BHLHE41: variants seen among roughly 807,000 people sequenced by gnomAD.
BHLHE41 encodes class E basic helix-loop-helix protein 41.
In BHLHE41, 14 loss-of-function variants were observed where a neutral mutation model predicts 24.0. The ratio of observed to expected loss-of-function variants is 0.58; its 90% CI spans 0.39 to 0.91. The LOEUF (loss-of-function observed/expected upper bound fraction) is 0.91, where lower values mean the gene tolerates loss of function less well. Ranked by LOEUF, BHLHE41 falls within the 40% of genes least tolerant of loss-of-function variation. BHLHE41 has a pLI of 0.00. For missense variants in BHLHE41, 674 were observed against 655.4 expected (o/e 1.03, Z -0.31); for synonymous variants, 394 against 315.5 (o/e 1.25, Z -2.64).
Position 26,123,007 on chromosome 12 carries a change from C to A in BHLHE41, c.508G>T (p.Ala170Ser), listed in dbSNP as rs545506271. ...TGCGGGGTGGGCAAGAACTGGGTGG[C>A]CACGGCGTGCAAGTGGTTGATCAGC... ...VQLINHLHAVATQFLPTPQLL... is the reference protein window; with the variant it reads ...VQLINHLHAVSTQFLPTPQLL... Residue 170 changes from alanine to serine, a missense_variant, in exon 5 of 5, where the codon GCC (alanine) becomes TCC (serine). Ala to Ser is a moderately conservative substitution (Grantham distance 99, BLOSUM62 1). Around this residue, in one of 3 missense-constraint regions of BHLHE41, gnomAD observed 602 missense variants for 570.8 expected, o/e 1.05. Coordinates refer to ENST00000242728, the MANE Select transcript of BHLHE41 (RefSeq NM_030762.3). 5.7e-6 allele frequency: 9 copies of A among 1,567,470 alleles called. No homozygotes were observed. In the East Asian group the frequency reaches 1.9e-4, roughly 33 times the overall value.
In BHLHE41 at chr12:26,121,775, G is replaced by T; in HGVS notation, c.*291C>A. ...AAAAGGGGGCAAAATTTATTTGGGG[G>T]ATTAAAAAAAAGAGCCAGTGTCTTT... On this transcript the variant is annotated 3_prime_UTR_variant, in exon 5 of 5. Transcript: ENST00000242728. 3 of 519,006 alleles carry T rather than the reference G, an allele frequency of 5.8e-6. No individual in the cohort carries two copies. In the South Asian group the frequency reaches 7.3e-5, roughly 13 times the overall value. The allele number at this position is 519,006 out of a possible 1,614,324, so 32.2% of individuals were successfully genotyped here.
chr12:26,122,278 G>C lies in BHLHE41; in HGVS notation c.1237C>G (p.Pro413Ala). 1 of 1,209,322 alleles carries C rather than the reference G, an allele frequency of 8.3e-7. No homozygotes were observed. The highest frequency in any genetic ancestry group is 1.0e-6 in the Non-Finnish European group (1 of 973,474). The allele number at this position is 1,209,322 out of a possible 1,614,324, so 74.9% of individuals were successfully genotyped here. Residue 413 changes from proline to alanine, a missense_variant, in exon 5 of 5, where the codon CCC (proline) becomes GCC (alanine). Pro to Ala is a conservative substitution (Grantham distance 27, BLOSUM62 -1). Around this residue, in one of 3 missense-constraint regions of BHLHE41, gnomAD observed 602 missense variants for 570.8 expected, o/e 1.05. Coordinates refer to ENST00000242728, the MANE Select transcript of BHLHE41 (RefSeq NM_030762.3). ...GGCGACAACACCGAGGACAGGCAGG[G>C]GAACGCGGCGGCGGCGGCGGCAGCG... ...AAAAAAAAAF[P>A]CLSSVLSPPP...
chr12:26,122,296 C>T lies in BHLHE41; in HGVS notation c.1219G>A (p.Ala407Thr), dbSNP rs1944315028. ...AAAAAAAAAA[A>T]AAAAFPCLSS... ...AGGCAGGGGAACGCGGCGGCGGCGGCGGCAGCGGCGGCGGCGGCTGCCGCG... is the reference window on the plus strand; with the variant it reads ...AGGCAGGGGAACGCGGCGGCGGCGGTGGCAGCGGCGGCGGCGGCTGCCGCG... The change falls in exon 5 of 5, where the codon GCC becomes ACC. Residue 407 changes from alanine (A) to threonine (T), a missense_variant. By Grantham distance (58) the Ala-to-Thr change is moderately conservative. Around this residue, in one of 3 missense-constraint regions of BHLHE41, gnomAD observed 602 missense variants for 570.8 expected, o/e 1.05. Transcript: ENST00000242728. 2 of 1,182,036 alleles carry T rather than the reference C, an allele frequency of 1.7e-6. No homozygotes were observed. The highest frequency in any genetic ancestry group is 9.3e-5 in the Admixed American group (2 of 21,572). 73.2% of individuals were successfully genotyped at this position (1,182,036 alleles called of 1,614,324 possible). A position where few individuals can be genotyped will look rare whatever the true frequency, so the allele number is the denominator to read the frequency against.
At position 26,121,228 on chromosome 12, in the gene BHLHE41, T is replaced by C. The variant is rs1944302106; in HGVS notation, c.*838A>G. The C allele has an allele frequency of 6.6e-6, 1 of 152,426 alleles. No homozygotes were observed. The highest frequency in any genetic ancestry group is 2.4e-5 in the African/African-American group (1 of 41,446). 9.4% of individuals were successfully genotyped at this position (152,426 alleles called of 1,614,324 possible). A position where few individuals can be genotyped will look rare whatever the true frequency, so the allele number is the denominator to read the frequency against. ...ATCTGTACAGATAGATATCTATCTA[T>C]ATATGGACTTAGAAGAAATTAAGAT... On this transcript the variant is annotated 3_prime_UTR_variant, in exon 5 of 5. Coordinates refer to ENST00000242728, the MANE Select transcript of BHLHE41 (RefSeq NM_030762.3).
At position 26,123,681 on chromosome 12, in the gene BHLHE41, A is replaced by G; in HGVS notation, c.295T>C (p.Leu99=). Residue 99 remains leucine, a synonymous_variant, in exon 4 of 5, where the codon TTA becomes CTA. Coordinates refer to ENST00000242728, the MANE Select transcript of BHLHE41 (RefSeq NM_030762.3). ...LELTLKHLKA[L]TALTEQQHQK... is the part of the protein sequence containing the mutation. ...TGCTGTTGCTCGGTTAAGGCGGTTA[A>G]AGCTTTTAAGTGTTTCAAAGTTAAT... 1 of 1,614,176 alleles carries G rather than the reference A, an allele frequency of 6.2e-7. No homozygotes were observed. Among genetic ancestry groups the G allele is most frequent in the Non-Finnish European group, 8.5e-7 (1 of 1,179,996 alleles).
chr12:26,124,207 G>C (rs753796704), intron 2 of BHLHE41, 28 bp from the exon 3 acceptor site: 1 of 1,445,662 alleles, frequency 6.9e-7, no homozygotes, highest in East Asian at 2.3e-5. Context: ...ATGGAAAAGA[G>C]AAAACAGTAA....
chr12:26,123,972 A>G (rs1944338834), intron 3 of BHLHE41, 100 bp downstream of exon 3: 4 of 932,128 alleles, frequency 4.3e-6, no homozygotes, highest in African/African-American at 1.6e-5. Context: ...GTTTTAAGTC[A>G]GGAACTTATA....
Position 26,122,540 on chromosome 12 carries a change from C to T in BHLHE41, c.975G>A (p.Ser325=), listed in dbSNP as rs1409329500. 6.4e-6 allele frequency: 8 copies of T among 1,251,504 alleles called. No individual in the cohort carries two copies. Among genetic ancestry groups the T allele is most frequent in the Non-Finnish European group, 8.1e-6 (8 of 987,640 alleles). The allele number at this position is 1,251,504 out of a possible 1,614,324, so 77.5% of individuals were successfully genotyped here. Residue 325 remains serine, a synonymous_variant, in exon 5 of 5, where the codon TCG becomes TCA. Coordinates refer to ENST00000242728, the MANE Select transcript of BHLHE41 (RefSeq NM_030762.3). ...CTCCGCCTCCGCCGAACGCCACCAG[C>T]GAGCTGAGCAGGGCGGCGTCGGGTC... ...LLRPDAALLS[S]LVAFGGGGGA... is the part of the protein sequence containing the mutation.
rs529786685 is a variant in BHLHE41, at chr12:26,121,709, C to T, written c.*357G>A. ...AGAACAGACCCTTCTTACTTCCTCTCGAATTAGGTTCCAATTTTAAGAGAT... is the reference window on the plus strand; with the variant it reads ...AGAACAGACCCTTCTTACTTCCTCTTGAATTAGGTTCCAATTTTAAGAGAT... On this transcript the variant is annotated 3_prime_UTR_variant, in exon 5 of 5. Coordinates refer to ENST00000242728, the MANE Select transcript of BHLHE41 (RefSeq NM_030762.3). 437 of 298,830 alleles carry T rather than the reference C, an allele frequency of 1.5e-3. 1 individual carries two copies. The highest frequency in any genetic ancestry group is 9.3e-3 in the African/African-American group (419 of 44,978). The allele number at this position is 298,830 out of a possible 1,614,324, so 18.5% of individuals were successfully genotyped here.
chr12:26,123,294 G>A, intron 4 of BHLHE41, 126 bp from the exon 5 acceptor site: 4 of 1,277,612 alleles, frequency 3.1e-6, no homozygotes, highest in African/African-American at 1.5e-5. Flanking sequence ...TTTTTCCCCA[G>A]TATTCAAGTG....
At chr12:26,123,192 T>G (rs1449411019) in intron 4 of BHLHE41, 24 bp from the exon 5 acceptor site, 1 of 1,560,190 alleles carries the variant, frequency 6.4e-7, no homozygotes, top group Admixed American at 1.8e-5. Context: ...GGGATGGGGG[T>G]GGGGGACGGA....
Position 26,124,853 on chromosome 12 carries a change from G to A in BHLHE41, c.-74C>T. The stretch of plus-strand genomic sequence containing the variant: ...AATAATCTGTGGGACGGTAGGCTTG[G>A]GAGACCTTGGGGGGATCTGTGCGTC... On this transcript the variant is annotated 5_prime_UTR_variant, in exon 1 of 5. Transcript: ENST00000242728. The A allele has an allele frequency of 7.0e-7, 1 of 1,436,724 alleles. No individual in the cohort carries two copies. Among genetic ancestry groups the A allele is most frequent in the Non-Finnish European group, 9.8e-7 (1 of 1,021,592 alleles). The allele number at this position is 1,436,724 out of a possible 1,614,324, so 89.0% of individuals were successfully genotyped here.
Position 26,121,832 on chromosome 12 carries a change from A to C in BHLHE41, c.*234T>G. On this transcript the variant is annotated 3_prime_UTR_variant, in exon 5 of 5. Coordinates refer to ENST00000242728, the MANE Select transcript of BHLHE41 (RefSeq NM_030762.3). ...GGATCTTTTACAGCTGGTGGGGGGA[A>C]GAAAGGGATGTTAGTGTGTGGAGGG... 2.1e-6 allele frequency: 2 copies of C among 943,990 alleles called. No individual in the cohort carries two copies. The highest frequency in any genetic ancestry group is 3.0e-6 in the Non-Finnish European group (2 of 676,954). 58.5% of individuals were successfully genotyped at this position (943,990 alleles called of 1,614,324 possible).
Position 26,124,189 on chromosome 12 carries a change from T to C in BHLHE41, c.127-10A>G, listed in dbSNP as rs765418587. The C allele has an allele frequency of 1.9e-6, 3 of 1,539,030 alleles. No homozygotes were observed. Among genetic ancestry groups the C allele is most frequent in the South Asian group, 2.2e-5 (2 of 89,512 alleles). On this transcript the variant is annotated splice_polypyrimidine_tract_variant and intron_variant, in intron 2 of 4. Coordinates refer to ENST00000242728, the MANE Select transcript of BHLHE41 (RefSeq NM_030762.3). ...GTAATTTGTAGGTATCCTTAATATATGAGAGTCATGGAAAAGAGAAAACAG... is the reference window on the plus strand; with the variant it reads ...GTAATTTGTAGGTATCCTTAATATACGAGAGTCATGGAAAAGAGAAAACAG...
At position 26,124,601 on chromosome 12, in the gene BHLHE41, C is replaced by A. The variant is rs371884812; in HGVS notation, c.63-19G>T. 66 of 1,614,018 alleles carry A rather than the reference C, an allele frequency of 4.1e-5. No individual in the cohort carries two copies. Among genetic ancestry groups the A allele is most frequent in the Non-Finnish European group, 5.0e-5 (59 of 1,179,970 alleles). The stretch of plus-strand genomic sequence containing the variant: ...GTCCAGTCTGCAAAACAGAAATCAG[C>A]ATCAGGCACCCATTCGGGGAGGGGC... On this transcript the variant is annotated intron_variant, in intron 1 of 4. Transcript: ENST00000242728.
rs1404802214 is a variant in BHLHE41, at chr12:26,122,474, GA to G, written c.1040del (p.Phe347SerfsTer156). On this transcript the variant is annotated frameshift_variant, in exon 5 of 5. Transcript: ENST00000242728. LOFTEE classifies it high-confidence loss of function. ...FPQPAAAAAP[F>X]CLPFCFLSPS... ...GCGAGAGGAAGCAGAAGGGCAGGCAGAAGGGGGCCGCGGCGGCCGCGGGCTG... is the reference window on the plus strand; with the variant it reads ...GCGAGAGGAAGCAGAAGGGCAGGCAGAGGGGGCCGCGGCGGCCGCGGGCTG... 1 of 1,345,900 alleles carries G rather than the reference GA, an allele frequency of 7.4e-7. No homozygotes were observed. 83.4% of individuals were successfully genotyped at this position (1,345,900 alleles called of 1,614,324 possible). A position where few individuals can be genotyped will look rare whatever the true frequency, so the allele number is the denominator to read the frequency against.
chr12:26,124,578 C>A lies in BHLHE41; in HGVS notation c.67G>T (p.Asp23Tyr), dbSNP rs749352718. Reference protein sequence around the residue: ...LLEHRDFIGLDYSSLYMCKPK... With the variant: ...LLEHRDFIGLYYSSLYMCKPK... ...TTACACATATACAAAGAGGAATAGT[C>A]CAGTCTGCAAAACAGAAATCAGCAT... Residue 23 changes from aspartate (D) to tyrosine (Y), a missense_variant, in exon 2 of 5, where the codon GAC (aspartate) becomes TAC (tyrosine). By Grantham distance (160) the Asp-to-Tyr change is radical (BLOSUM62 -3). Transcript: ENST00000242728. 1 of 1,614,138 alleles carries A rather than the reference C, an allele frequency of 6.2e-7. No homozygotes were observed. The highest frequency in any genetic ancestry group is 1.7e-5 in the Admixed American group (1 of 60,024).
In BHLHE41 at chr12:26,122,091, G is replaced by C; in HGVS notation, c.1424C>G (p.Ser475Trp). The C allele has an allele frequency of 6.5e-7, 1 of 1,549,848 alleles. No individual in the cohort carries two copies. The highest frequency in any genetic ancestry group is 8.7e-7 in the Non-Finnish European group (1 of 1,146,622). ...TCAGGGAGCTTCCTTTCCTGGCTGC[G>C]AGGGATCTTCCTGAGCAGAGCTCTC... Reference protein sequence around the residue: ...NPESSAQEDPSQPGKEAP With the variant: ...NPESSAQEDPWQPGKEAP The change falls in exon 5 of 5, where the codon TCG (serine) becomes TGG (tryptophan). Residue 475 changes from serine to tryptophan, a missense_variant. Ser to Trp is a radical substitution (Grantham distance 177, BLOSUM62 -3). This residue lies in a region of BHLHE41 where 602 missense variants were observed against 570.8 expected (regional missense o/e 1.05). Coordinates refer to ENST00000242728, the MANE Select transcript of BHLHE41 (RefSeq NM_030762.3).
chr12:26,121,987 T>G lies in BHLHE41; in HGVS notation c.*79A>C. On this transcript the variant is annotated 3_prime_UTR_variant, in exon 5 of 5. Coordinates refer to ENST00000242728, the MANE Select transcript of BHLHE41 (RefSeq NM_030762.3). ...TAAAGACCTTAAGGGTATTTTAACT[T>G]CTCACTCTGCTTGAACCTCCTTAAG... The G allele has an allele frequency of 5.8e-6, 9 of 1,541,538 alleles. No individual in the cohort carries two copies. Among genetic ancestry groups the G allele is most frequent in the Non-Finnish European group, 7.0e-6 (8 of 1,141,802 alleles).
Sources: allele counts gnomAD v4.1 joint callset, GRCh38; gene constraint gnomAD v4.1.1; regional missense constraint gnomAD v4.1.1; transcripts MANE v1.5; gene names NCBI Gene and HGNC (gene_info 2026-07-23, HGNC 2026-07-21).